The following MITF variants were observed in gnomAD, a reference collection of about 807,000 sequenced individuals.
The protein encoded by MITF is melanocyte inducing transcription factor.
Under a neutral mutation model 60.5 loss-of-function variants are expected in MITF, and 17 were observed. The ratio of observed to expected loss-of-function variants is 0.28; its 90% CI spans 0.19 to 0.42. The LOEUF (loss-of-function observed/expected upper bound fraction) is 0.42, where lower values mean the gene tolerates loss of function less well. Among genes scored for constraint, MITF ranks in the 10% least tolerant of loss-of-function variants. MITF has a pLI of 1.00. For synonymous variants in MITF, 260 were observed against 248.5 expected, an observed-to-expected ratio of 1.05 and a Z score of -0.43; for missense variants, 622 against 683.5, an observed-to-expected ratio of 0.91 and a Z score of 1.00.
chr3:69,865,385 A>G (rs1042477381), intron 1 of MITF, among the ~76,000 whole-genome samples: 6 of 152,146 alleles, frequency 3.9e-5, no homozygotes, highest in Admixed American at 3.3e-4. Context: ...ACATACATAC[A>G]ATATTTTCAC....
At chr3:69,757,201 A>C (rs1018130002) in intron 1 of MITF, among the ~76,000 whole-genome samples, 1 of 152,096 alleles carries the variant, frequency 6.6e-6, no homozygotes, top group African/African-American at 2.4e-5. Flanking sequence ...TTTGAGTACC[A>C]ATTAAAGGAA....
chr3:69,844,706 T>A (rs2063699423), intron 1 of MITF, among the ~76,000 whole-genome samples: 1 of 151,690 alleles, frequency 6.6e-6, no homozygotes, highest in African/African-American at 2.4e-5. Flanking sequence ...TGGGAGAAAA[T>A]TTTTGCAATC....
At position 69,964,579 on chromosome 3, in the gene MITF, C is replaced by T. The variant is rs2066636280; in HGVS notation, c.1180-268C>T. Among the ~76,000 whole-genome samples the T allele has an allele frequency of 1.5e-5, 2 of 134,044 alleles. 1 individual carries two copies. The highest frequency in any genetic ancestry group is 5.8e-5 in the African/African-American group (2 of 34,430). 87.9% of individuals were successfully genotyped at this position (134,044 alleles called of 152,430 possible). A position where few individuals can be genotyped will look rare whatever the true frequency, so the allele number is the denominator to read the frequency against. ...AGCTGCAGATATTTCCCATACACCT[C>T]ATTCCCCCAAGCACGCACAGCCTTC... On this transcript the variant is annotated intron_variant, in intron 9 of 9. Transcript: ENST00000352241.
intron 1 of MITF, among the ~76,000 whole-genome samples, chr3:69,749,375 T>C (rs950900955): frequency 3.9e-5 from 6 of 152,222 alleles, no homozygotes; most frequent in African/African-American, 1.4e-4. Context: ...GGTGGAAAGG[T>C]ATTATTTCAG....
intron 1 of MITF, among the ~76,000 whole-genome samples, chr3:69,812,020 G>A (rs989777470): frequency 1.3e-5 from 2 of 152,090 alleles, no homozygotes; most frequent in African/African-American, 4.8e-5. Context: ...CTCCTTCCTT[G>A]TACTTCCTTC....
chr3:69,868,211 GC>G (rs2064153343), intron 1 of MITF, among the ~76,000 whole-genome samples: 2 of 152,162 alleles, frequency 1.3e-5, no homozygotes, highest in Admixed American at 1.3e-4. Context: ...TAAGTATTGT[GC>G]TTGTATTAAC....
intron 8 of MITF, 70 bp from the exon 9 acceptor site, chr3:69,959,203 G>T: frequency 1.3e-6 from 2 of 1,568,428 alleles, no homozygotes; most frequent in Non-Finnish European, 1.7e-6. Flanking sequence ...GAAATGGAGT[G>T]CTTTGAATAT....
intron 1 of MITF, among the ~76,000 whole-genome samples, chr3:69,854,007 G>A (rs997314719): frequency 2.6e-5 from 4 of 151,656 alleles, no homozygotes; most frequent in South Asian, 2.1e-4. Context: ...ACGCCACCAC[G>A]CCTGGCTAAT....
intron 8 of MITF, among the ~76,000 whole-genome samples, chr3:69,957,160 T>C (rs1040673568): frequency 3.3e-5 from 5 of 152,184 alleles, no homozygotes; most frequent in Non-Finnish European, 7.3e-5. Context: ...GATGATTTTC[T>C]CAAGTCTTTC....
chr3:69,918,016 T>A (rs1436802747), intron 2 of MITF, among the ~76,000 whole-genome samples: 1 of 152,152 alleles, frequency 6.6e-6, no homozygotes, highest in East Asian at 1.9e-4. Context: ...CTTTTGCTCA[T>A]CCTTTTCTCT....
rs139353711 is a variant in MITF at position 69,886,296 on chromosome 3, T to C, written c.354+6913T>C. On this transcript the variant is annotated intron_variant, in intron 2 of 9. Transcript: ENST00000352241. The stretch of plus-strand genomic sequence containing the variant: ...AAGCACCTTGGAGGAGGAAAGGCAA[T>C]TGTGCCTCCTTGACAACGTGGATAT... 2.2e-3 allele frequency among the ~76,000 whole-genome samples: 334 copies of C among 152,226 alleles called. 16 individuals carry two copies. In the East Asian group the frequency reaches 0.054, roughly 25 times the overall value.
At chr3:69,794,486 G>A (rs893319338) in intron 1 of MITF, among the ~76,000 whole-genome samples, 4 of 152,104 alleles carry the variant, frequency 2.6e-5, no homozygotes, top group African/African-American at 9.7e-5. Context: ...TAAACTTTGT[G>A]CATCTCCCTT....
chr3:69,765,296 C>T (rs2062272685), intron 1 of MITF, among the ~76,000 whole-genome samples: 1 of 152,078 alleles, frequency 6.6e-6, no homozygotes, highest in South Asian at 2.1e-4. Context: ...TTCTGGTAGC[C>T]TGTTTAGAAT....
intron 1 of MITF, among the ~76,000 whole-genome samples, chr3:69,878,413 G>A (rs1449243831): frequency 6.6e-6 from 1 of 152,128 alleles, no homozygotes; most frequent in Non-Finnish European, 1.5e-5. Context: ...TCCTCATGGG[G>A]AATGCACAGA....
intron 2 of MITF, among the ~76,000 whole-genome samples, chr3:69,910,696 C>G (rs1199012924): frequency 6.6e-6 from 1 of 152,172 alleles, no homozygotes; most frequent in African/African-American, 2.4e-5. Context: ...CGCTGGATTT[C>G]ACACTTGCAT....
rs147510537 is a variant in MITF at position 69,750,621 on chromosome 3, C to T, written c.104+10920C>T. On this transcript the variant is annotated intron_variant, in intron 1 of 9. Transcript: ENST00000352241. The stretch of plus-strand genomic sequence containing the variant: ...TTAAACTCGAGTGTGCATCAGCATT[C>T]CCTGTAGGGCTTGTTGAAACAGATT... Among the ~76,000 whole-genome samples the T allele has an allele frequency of 4.0e-3, 604 of 152,090 alleles. 6 individuals are homozygous for T. The highest frequency in any genetic ancestry group is 0.012 in the African/African-American group (518 of 41,494).
chr3:69,792,303 T>C (rs1430607), intron 1 of MITF, among the ~76,000 whole-genome samples: 3 of 152,162 alleles, frequency 2.0e-5, no homozygotes, highest in Non-Finnish European at 4.4e-5. Context: ...ATTAAATTGG[T>C]CAACAGCAGC....
chr3:69,799,926 A>G (rs1301748164), intron 1 of MITF, among the ~76,000 whole-genome samples: 1 of 152,138 alleles, frequency 6.6e-6, no homozygotes. Context: ...TTCAGTCTCT[A>G]TGTTTTTCTT....
In MITF at chr3:69,938,677, T is replaced by C. The variant is rs1198230432; in HGVS notation, c.583-421T>C. The C allele has an allele frequency of 2.3e-6, 3 of 1,316,256 alleles. No individual in the cohort carries two copies. In the African/African-American group the frequency reaches 4.4e-5, roughly 19 times the overall value. 81.5% of individuals were successfully genotyped at this position (1,316,256 alleles called of 1,614,324 possible). ...AAGACTCAAACTACCTTCAAGCTAATTGGTGCATCAAAATTTGCAGCATAC... is the reference window on the plus strand; with the variant it reads ...AAGACTCAAACTACCTTCAAGCTAACTGGTGCATCAAAATTTGCAGCATAC... On this transcript the variant is annotated intron_variant, in intron 3 of 9. Transcript: ENST00000352241.
Sources: gnomAD v4.1 joint callset for allele counts (sites outside exome capture counted in the v4.1 genomes callset) on GRCh38, gnomAD v4.1.1 for gene constraint, MANE v1.5 for transcripts, NCBI Gene and HGNC (gene_info 2026-07-23, HGNC 2026-07-21) for gene names.